The following UNC5C variants were observed in gnomAD, a reference collection of about 807,000 sequenced individuals.
The protein encoded by UNC5C is unc-5 netrin receptor C.
UNC5C carries 47 observed loss-of-function variants against 99.8 expected under a neutral mutation model. That is an observed-to-expected ratio of 0.47 (90% confidence interval 0.37 to 0.60). The LOEUF is 0.60. UNC5C is among the 20% of genes least tolerant of loss of function. UNC5C has a pLI of 0.00. For synonymous variants in UNC5C, 487 were observed against 452.2 expected (o/e 1.08, Z -0.98); for missense variants, 1,062 against 1,165.9 (o/e 0.91, Z 1.30).
chr4:95,172,153 G>A (rs1471022372), intron 14 of UNC5C, among the ~76,000 whole-genome samples: 1 of 149,502 alleles, frequency 6.7e-6, no homozygotes, highest in Non-Finnish European at 1.5e-5. Flanking sequence ...TTTGTCAGAT[G>A]AGTAGGTTGC....
In UNC5C at chr4:95,498,576, C is replaced by T. The variant is rs572369759; in HGVS notation, c.124+50158G>A. Among the ~76,000 whole-genome samples, 12 of 152,076 alleles carry T rather than the reference C, an allele frequency of 7.9e-5. 2 individuals carry two copies. The highest frequency in any genetic ancestry group is 2.9e-4 in the African/African-American group (12 of 41,532). On this transcript the variant is annotated intron_variant, in intron 1 of 15. Transcript: ENST00000453304. ...CTAACATATAATGGTACGATTTTTT[C>T]TTCACTGATTTGTTGTATCCCAAAC...
At chr4:95,183,203 G>A in intron 13 of UNC5C, 142 bp from the exon 14 acceptor site, 2 of 760,540 alleles carry the variant, frequency 2.6e-6, no homozygotes, top group Non-Finnish European at 4.0e-6. Flanking sequence ...AGTACATCCT[G>A]GACCCTTATC....
At chr4:95,487,516 C>CTT (rs70948418) in intron 1 of UNC5C, among the ~76,000 whole-genome samples, 1 of 151,332 alleles carries the variant, frequency 6.6e-6, no homozygotes, top group Non-Finnish European at 1.5e-5. Flanking sequence ...AATAAAACTG[C>CTT]TTTTTGCCTA....
chr4:95,229,357 T>TGA (rs1738815964), intron 7 of UNC5C, among the ~76,000 whole-genome samples: 1 of 151,938 alleles, frequency 6.6e-6, no homozygotes, highest in South Asian at 2.1e-4. Flanking sequence ...CTCCCACTTA[T>TGA]GAGTGAGAAC....
intron 1 of UNC5C, among the ~76,000 whole-genome samples, chr4:95,386,840 GT>G (rs1045429160): frequency 3.3e-5 from 5 of 151,868 alleles, no homozygotes; most frequent in Admixed American, 1.3e-4. Flanking sequence ...GTGAAGCTGT[GT>G]TTTTTTTCTC....
intron 1 of UNC5C, among the ~76,000 whole-genome samples, chr4:95,456,128 A>G (rs1172462035): frequency 6.6e-6 from 1 of 152,040 alleles, no homozygotes; most frequent in Non-Finnish European, 1.5e-5. Context: ...ACTCCCCTCA[A>G]TTGTATCTTT....
At chr4:95,206,183 TAG>T (rs1339050488) in intron 11 of UNC5C, among the ~76,000 whole-genome samples, 1 of 151,856 alleles carries the variant, frequency 6.6e-6, no homozygotes, top group African/African-American at 2.4e-5. Context: ...CTATTTTTAG[TAG>T]AGACAGGATT....
In UNC5C at chr4:95,370,910, C is replaced by T. The variant is rs143141946; in HGVS notation, c.125-35279G>A. Among the ~76,000 whole-genome samples, 471 of 152,180 alleles carry T rather than the reference C, an allele frequency of 3.1e-3. 4 individuals carry two copies. Among genetic ancestry groups the T allele is most frequent in the African/African-American group, 0.011 (454 of 41,518 alleles). On this transcript the variant is annotated intron_variant, in intron 1 of 15. Transcript: ENST00000453304. ...GTCATTCGTTTTTCTAATAAGTAAG[C>T]GGTCTGTAGAGGGAAAGCTATAGGT...
intron 1 of UNC5C, among the ~76,000 whole-genome samples, chr4:95,524,951 G>C (rs1722460405): frequency 6.6e-6 from 1 of 152,060 alleles, no homozygotes; most frequent in East Asian, 1.9e-4. Context: ...TGAACACAAG[G>C]CAAGTCAGTT....
intron 1 of UNC5C, among the ~76,000 whole-genome samples, chr4:95,471,759 A>AAGAATT (rs1747975296): frequency 6.6e-6 from 1 of 152,102 alleles, no homozygotes; most frequent in Non-Finnish European, 1.5e-5. Flanking sequence ...ATGAATCTTA[A>AAGAATT]CAGCACGTGA....
chr4:95,225,277 G>C (rs1047206952), intron 7 of UNC5C, among the ~76,000 whole-genome samples: 3 of 152,092 alleles, frequency 2.0e-5, no homozygotes, highest in Non-Finnish European at 4.4e-5. Flanking sequence ...GACTGGTCTC[G>C]AAATCCTGGG....
chr4:95,242,636 G>A, intron 6 of UNC5C, 43 bp from the exon 7 acceptor site: 1 of 1,498,244 alleles, frequency 6.7e-7, no homozygotes, highest in Non-Finnish European at 8.9e-7. Flanking sequence ...GGGAGAGGCA[G>A]CTGCTTAAGG....
intron 1 of UNC5C, among the ~76,000 whole-genome samples, chr4:95,365,446 TAAC>T (rs760622975): frequency 0.033 from 4,940 of 148,432 alleles, 116 homozygotes; most frequent in South Asian, 0.052. Context: ...TGTAAAAATA[TAAC>T]AATATATAAT....
chr4:95,476,200 T>C (rs1481487041), intron 1 of UNC5C, among the ~76,000 whole-genome samples: 1 of 152,100 alleles, frequency 6.6e-6, no homozygotes, highest in Non-Finnish European at 1.5e-5. Flanking sequence ...TCTGGGCTCA[T>C]TGCAGATTGC....
intron 12 of UNC5C, among the ~76,000 whole-genome samples, chr4:95,188,412 G>A (rs1056911285): frequency 6.6e-6 from 1 of 152,196 alleles, no homozygotes; most frequent in Non-Finnish European, 1.5e-5. Flanking sequence ...TGGGAAACGA[G>A]TATAATCTAA....
chr4:95,215,944 T>C (rs1738232516), intron 10 of UNC5C, 180 bp downstream of exon 10: 1 of 492,120 alleles, frequency 2.0e-6, no homozygotes, highest in East Asian at 3.6e-5. Flanking sequence ...TGCAAAAGCG[T>C]CTGGAGCCTC....
At chr4:95,358,339 C>T (rs760221931) in intron 1 of UNC5C, among the ~76,000 whole-genome samples, 1 of 152,098 alleles carries the variant, frequency 6.6e-6, no homozygotes, top group Non-Finnish European at 1.5e-5. Flanking sequence ...AGTGTTAACT[C>T]TGTTGAGAGA....
chr4:95,366,010 A>T (rs944769193), intron 1 of UNC5C, among the ~76,000 whole-genome samples: 21 of 152,158 alleles, frequency 1.4e-4, no homozygotes, highest in Non-Finnish European at 2.9e-4. Flanking sequence ...AGAGAAATTA[A>T]ATTTGGTTCA....
intron 3 of UNC5C, among the ~76,000 whole-genome samples, chr4:95,290,688 A>G (rs1560772263): frequency 6.6e-6 from 1 of 152,242 alleles, no homozygotes; most frequent in Non-Finnish European, 1.5e-5. Flanking sequence ...TACAGTAAGC[A>G]TATAATAAAT....
Sources: allele counts gnomAD v4.1 joint callset (sites outside exome capture counted in the v4.1 genomes callset), GRCh38; gene constraint gnomAD v4.1.1; transcripts MANE v1.5; gene names NCBI Gene and HGNC (gene_info 2026-07-23, HGNC 2026-07-21).